Variants in ALK observed in about 807,000 individuals in gnomAD.
The protein encoded by ALK is ALK receptor tyrosine kinase.
A neutral mutation model predicts 163.1 loss-of-function variants in ALK; 74 were observed. That is an observed-to-expected ratio of 0.45 (90% CI 0.38 to 0.55). The LOEUF is 0.55. ALK is among the 20% of genes least tolerant of loss of function. ALK has a pLI of 0.00. For missense variants in ALK, 2,063 were observed against 2,105.3 expected (o/e 0.98, Z 0.39); for synonymous variants, 960 against 843.2 (o/e 1.14, Z -2.40).
At chr2:29,718,596 A>G (rs1198831153) in intron 1 of ALK, among the ~76,000 whole-genome samples, 2 of 152,186 alleles carry the variant, frequency 1.3e-5, no homozygotes, top group Admixed American at 1.3e-4. Context: ...TTTCTTCTGT[A>G]GCTTCCCCGG....
intron 9 of ALK, among the ~76,000 whole-genome samples, chr2:29,291,298 A>G (rs1666016675): frequency 6.6e-6 from 1 of 152,040 alleles, no homozygotes; most frequent in South Asian, 2.1e-4. Context: ...CAGGAGTTTG[A>G]CACTGCAGTG....
At chr2:29,487,006 G>A (rs374373042) in intron 4 of ALK, among the ~76,000 whole-genome samples, 13 of 152,134 alleles carry the variant, frequency 8.5e-5, no homozygotes, top group East Asian at 3.8e-4. Flanking sequence ...GGTAACAATG[G>A]CGAATACAAT....
chr2:29,677,024 A>AT (rs1034656355), intron 3 of ALK, among the ~76,000 whole-genome samples: 2 of 151,712 alleles, frequency 1.3e-5, no homozygotes, highest in East Asian at 1.9e-4. Flanking sequence ...ATTAGCTTTC[A>AT]TTTTTTGTGA....
At chr2:29,917,049 T>A (rs1053487480) in intron 1 of ALK, among the ~76,000 whole-genome samples, 2 of 152,326 alleles carry the variant, frequency 1.3e-5, no homozygotes, top group Admixed American at 6.5e-5. Context: ...CTCTCAGACA[T>A]CTTTCTGTCC....
intron 11 of ALK, among the ~76,000 whole-genome samples, chr2:29,272,151 A>AAG (rs902822130): frequency 6.3e-5 from 9 of 142,598 alleles, no homozygotes; most frequent in East Asian, 2.1e-4. Context: ...AAGAGATAGA[A>AAG]AGAGAGAGAG....
chr2:29,415,051 CCA>C (rs1237616913), intron 4 of ALK, among the ~76,000 whole-genome samples: 1 of 151,144 alleles, frequency 6.6e-6, no homozygotes, highest in Non-Finnish European at 1.5e-5. Flanking sequence ...TGCAGACACC[CCA>C]CACACATGTA....
At chr2:29,644,424 G>T (rs902457700) in intron 3 of ALK, among the ~76,000 whole-genome samples, 11 of 151,848 alleles carry the variant, frequency 7.2e-5, no homozygotes, top group Admixed American at 3.9e-4. Context: ...AAGAAATCTA[G>T]TAGTTTCCTG....
intron 3 of ALK, among the ~76,000 whole-genome samples, chr2:29,668,316 G>C (rs1473861099): frequency 6.6e-6 from 1 of 151,534 alleles, no homozygotes; most frequent in Non-Finnish European, 1.5e-5. Context: ...TTGGGGGTTT[G>C]ATTTATTCTT....
At chr2:29,520,728 G>A (rs1338146990) in intron 4 of ALK, among the ~76,000 whole-genome samples, 1 of 152,164 alleles carries the variant, frequency 6.6e-6, no homozygotes, top group Non-Finnish European at 1.5e-5. Context: ...GGGCAACTGT[G>A]GGTAGTTTGA....
chr2:29,332,285 C>CAAAAAAAAAAAAAAAAAAAAAAAAAAA lies in ALK; in HGVS notation c.1283-3831_1283-3805dup. Among the ~76,000 whole-genome samples, 2 of 18,330 alleles carry CAAAAAAAAAAAAAAAAAAAAAAAAAAA rather than the reference C, an allele frequency of 1.1e-4. 1 individual carries two copies. Among genetic ancestry groups the CAAAAAAAAAAAAAAAAAAAAAAAAAAA allele is most frequent in the Non-Finnish European group, 2.3e-4 (2 of 8,782 alleles). The allele number at this position is 18,330 out of a possible 152,430, so 12.0% of individuals were successfully genotyped here. On this transcript the variant is annotated intron_variant, in intron 5 of 28. Transcript: ENST00000389048. The stretch of plus-strand genomic sequence containing the variant: ...TAGGAGACAGAGTGAGACTCCATCT[C>CAAAAAAAAAAAAAAAAAAAAAAAAAAA]AAAAAAAAAAAAAAAAAAAAAAAAA...
In ALK at chr2:29,197,422, A is replaced by AT. The variant is rs1288970857; in HGVS notation, c.4073+119dup. The AT allele has an allele frequency of 2.7e-6, 4 of 1,456,336 alleles. No individual in the cohort carries two copies. The African/African-American group carries it at 5.7e-5, about 21-fold the overall frequency. 90.2% of individuals were successfully genotyped at this position (1,456,336 alleles called of 1,614,324 possible). On this transcript the variant is annotated intron_variant, in intron 27 of 28. Coordinates refer to ENST00000389048, the MANE Select transcript of ALK (RefSeq NM_004304.5). ...CGCAGTCACATTCGCATCTTGGGGC[A>AT]TATTAAAGGGAGGGCAGCCATCTGC... is the stretch of plus-strand genomic sequence containing the variant.
intron 4 of ALK, among the ~76,000 whole-genome samples, chr2:29,391,558 C>G (rs1573311146): frequency 6.6e-6 from 1 of 152,168 alleles, no homozygotes; most frequent in Non-Finnish European, 1.5e-5. Flanking sequence ...ACCTTGGCCT[C>G]CCAAAGTGCC....
intron 1 of ALK, among the ~76,000 whole-genome samples, chr2:29,893,471 G>A (rs565623636): frequency 1.2e-4 from 18 of 152,272 alleles, no homozygotes; most frequent in African/African-American, 2.6e-4. Context: ...ATAAAGAGGT[G>A]TATAAATATT....
At chr2:29,434,781 T>C (rs967087177) in intron 4 of ALK, among the ~76,000 whole-genome samples, 3 of 152,202 alleles carry the variant, frequency 2.0e-5, no homozygotes, top group Non-Finnish European at 4.4e-5. Flanking sequence ...CTTTCAATTC[T>C]AATGGACATT....
chr2:29,424,751 A>G (rs1463124124), intron 4 of ALK, among the ~76,000 whole-genome samples: 1 of 152,222 alleles, frequency 6.6e-6, no homozygotes, highest in Non-Finnish European at 1.5e-5. Context: ...TGGGAAGACC[A>G]TGGAGTTGAG....
chr2:29,758,273 G>A (rs1484878016), intron 1 of ALK, among the ~76,000 whole-genome samples: 1 of 152,112 alleles, frequency 6.6e-6, no homozygotes, highest in Non-Finnish European at 1.5e-5. Context: ...GCCTCTCAAG[G>A]TGTTGTGCCC....
intron 2 of ALK, among the ~76,000 whole-genome samples, chr2:29,700,777 G>T (rs138868705): frequency 6.6e-6 from 1 of 152,320 alleles, no homozygotes; most frequent in African/African-American, 2.4e-5. Context: ...TCAGGAAAAT[G>T]TTGTGGTAAG....
chr2:29,849,457 C>G (rs982007237), intron 1 of ALK, among the ~76,000 whole-genome samples: 5 of 152,188 alleles, frequency 3.3e-5, no homozygotes, highest in African/African-American at 1.2e-4. Flanking sequence ...GAGATGGTGC[C>G]TGATGTTGGC....
chr2:29,716,681 C>T (rs1679264869), intron 2 of ALK, among the ~76,000 whole-genome samples: 1 of 152,094 alleles, frequency 6.6e-6, no homozygotes, highest in Non-Finnish European at 1.5e-5. Flanking sequence ...ACCTAGTTTC[C>T]ACATCTGTAA....
Sources: allele counts gnomAD v4.1 joint callset (sites outside exome capture counted in the v4.1 genomes callset), GRCh38; gene constraint gnomAD v4.1.1; transcripts MANE v1.5; gene names NCBI Gene and HGNC (gene_info 2026-07-23, HGNC 2026-07-21).